CACNA2D3: variants seen among roughly 807,000 people sequenced by gnomAD.
The protein encoded by CACNA2D3 is calcium voltage-gated channel auxiliary subunit alpha2delta 3.
CACNA2D3 carries 60 observed loss-of-function variants against 160.6 expected under a neutral mutation model. That is an observed-to-expected ratio of 0.37 (90% CI 0.30 to 0.46). The LOEUF (loss-of-function observed/expected upper bound fraction) is 0.46. Among genes scored for constraint, CACNA2D3 ranks in the 20% least tolerant of loss-of-function variants. The pLI, the probability that CACNA2D3 is intolerant of heterozygous loss-of-function variation, is 1.00. For missense variants in CACNA2D3, 1,205 were observed against 1,365.0 expected (o/e 0.88, Z 1.85); for synonymous variants, 558 against 492.9 (o/e 1.13, Z -1.75).
At chr3:55,038,340 T>C (rs1703875741) in intron 35 of CACNA2D3, among the ~76,000 whole-genome samples, 1 of 152,164 alleles carries the variant, frequency 6.6e-6, no homozygotes, top group South Asian at 2.1e-4. Context: ...CCAATGGGTT[T>C]TCTATGGAAT....
chr3:54,938,038 A>G (rs1477552648), intron 27 of CACNA2D3, among the ~76,000 whole-genome samples: 2 of 152,210 alleles, frequency 1.3e-5, no homozygotes, highest in Non-Finnish European at 2.9e-5. Flanking sequence ...TGATTTCACA[A>G]GCATTATGAA....
intron 13 of CACNA2D3, among the ~76,000 whole-genome samples, chr3:54,781,417 A>G (rs1286056813): frequency 6.6e-6 from 1 of 152,216 alleles, no homozygotes; most frequent in East Asian, 1.9e-4. Flanking sequence ...ATTAAGCTGG[A>G]TTGCCCTTCT....
intron 2 of CACNA2D3, among the ~76,000 whole-genome samples, chr3:54,141,099 G>A (rs1405404980): frequency 5.8e-5 from 7 of 121,126 alleles, no homozygotes; most frequent in Admixed American, 8.4e-5. Context: ...GCGCGCGCGC[G>A]TGTGTGCATG....
intron 2 of CACNA2D3, among the ~76,000 whole-genome samples, chr3:54,195,721 G>A (rs1009790525): frequency 1.1e-4 from 17 of 152,134 alleles, no homozygotes; most frequent in Admixed American, 2.6e-4. Context: ...GTGGTGCAGC[G>A]TTGGGTTTTC....
intron 4 of CACNA2D3, among the ~76,000 whole-genome samples, chr3:54,440,641 C>G (rs1700129301): frequency 6.6e-6 from 1 of 152,152 alleles, no homozygotes; most frequent in African/African-American, 2.4e-5. Flanking sequence ...CCCTGCTCCC[C>G]TCCGCCCACA....
intron 4 of CACNA2D3, among the ~76,000 whole-genome samples, chr3:54,483,690 A>G (rs193149406): frequency 5.8e-4 from 88 of 152,348 alleles, no homozygotes; most frequent in Non-Finnish European, 1.1e-3. Context: ...CAGTCTCACC[A>G]TCTTTCACCT....
At chr3:54,981,448 T>C (rs2107096389) in intron 29 of CACNA2D3, among the ~76,000 whole-genome samples, 1 of 152,036 alleles carries the variant, frequency 6.6e-6, no homozygotes, top group Non-Finnish European at 1.5e-5. Context: ...TTACAGAGAA[T>C]TTTTACCTAA....
At chr3:54,978,569 A>G (rs1702440699) in intron 29 of CACNA2D3, among the ~76,000 whole-genome samples, 1 of 152,380 alleles carries the variant, frequency 6.6e-6, no homozygotes, top group Admixed American at 6.5e-5. Context: ...ATTTCTACAC[A>G]AAGAGTACAA....
At chr3:54,321,752 G>A (rs948129055) in intron 3 of CACNA2D3, among the ~76,000 whole-genome samples, 1 of 152,148 alleles carries the variant, frequency 6.6e-6, no homozygotes, top group Admixed American at 6.5e-5. Context: ...GTGTCCTGGA[G>A]TGTGTTTCCT....
At chr3:54,358,409 C>T (rs188330437) in intron 3 of CACNA2D3, among the ~76,000 whole-genome samples, 3 of 152,288 alleles carry the variant, frequency 2.0e-5, no homozygotes, top group Middle Eastern at 3.4e-3. Flanking sequence ...CAAGGAGGTC[C>T]GGTTGTGACA....
intron 13 of CACNA2D3, among the ~76,000 whole-genome samples, chr3:54,782,245 A>G (rs1702550703): frequency 6.6e-6 from 1 of 152,234 alleles, no homozygotes; most frequent in Non-Finnish European, 1.5e-5. Context: ...TTGTATCAAA[A>G]CATCTACTCT....
chr3:54,879,144 A>G, intron 19 of CACNA2D3, 55 bp downstream of exon 19: 1 of 1,208,688 alleles, frequency 8.3e-7, no homozygotes. Flanking sequence ...CACTGTGAAA[A>G]ATTAGCTTTG....
In CACNA2D3 at chr3:55,049,931, C is replaced by A. The variant is rs543094536; in HGVS notation, c.2988-23514C>A. ...TCAGAGACTAGGATTGCAACCCCTG[C>A]CTTTTTTTGTTTTCCATTGGCTTGT... On this transcript the variant is annotated intron_variant, in intron 35 of 37. Transcript: ENST00000474759. 3.2e-3 allele frequency among the ~76,000 whole-genome samples: 477 copies of A among 150,736 alleles called. 7 individuals carry two copies. Among genetic ancestry groups the A allele is most frequent in the African/African-American group, 0.011 (458 of 40,754 alleles).
intron 3 of CACNA2D3, chr3:54,385,790 A>G: frequency 5.0e-6 from 2 of 401,008 alleles, no homozygotes; most frequent in Non-Finnish European, 9.6e-6. Flanking sequence ...ATATTATGTC[A>G]AGAAAAAGCA....
rs187269341 is a variant in CACNA2D3 at position 54,218,399 on chromosome 3, A to G, written c.204+94805A>G. On this transcript the variant is annotated intron_variant, in intron 2 of 37. Coordinates refer to ENST00000474759, the MANE Select transcript of CACNA2D3 (RefSeq NM_018398.3). The stretch of plus-strand genomic sequence containing the variant: ...GTCTAGTTTTCTCAGACAAGCCTGA[A>G]AAAAATATGATTTGTTTTAAAACAT... Among the ~76,000 whole-genome samples, 161 of 152,354 alleles carry G rather than the reference A, an allele frequency of 1.1e-3. 1 individual carries two copies. The highest frequency in any genetic ancestry group is 0.01 in the Admixed American group (160 of 15,312).
chr3:54,529,329 G>A (rs1701771931), intron 5 of CACNA2D3, among the ~76,000 whole-genome samples: 1 of 152,188 alleles, frequency 6.6e-6, no homozygotes. Flanking sequence ...AGGCAAGGGT[G>A]CCAGTCTTGG....
At chr3:54,246,732 C>A (rs78029863) in intron 2 of CACNA2D3, among the ~76,000 whole-genome samples, 7,025 of 148,674 alleles carry the variant, frequency 0.047, 577 homozygotes, top group African/African-American at 0.16. Flanking sequence ...CTCAAAAAAA[C>A]AAAAAAAAGA....
chr3:54,432,123 C>G (rs1333478006), intron 4 of CACNA2D3, among the ~76,000 whole-genome samples: 1 of 152,106 alleles, frequency 6.6e-6, no homozygotes, highest in Non-Finnish European at 1.5e-5. Flanking sequence ...AAAATCAAAA[C>G]TGCAGAATGC....
chr3:54,158,242 C>T (rs1293926278), intron 2 of CACNA2D3, among the ~76,000 whole-genome samples: 1 of 152,222 alleles, frequency 6.6e-6, no homozygotes, highest in African/African-American at 2.4e-5. Context: ...ACCCTGGGTG[C>T]AGCCAGATCC....
Sources: allele counts gnomAD v4.1 joint callset (sites outside exome capture counted in the v4.1 genomes callset), GRCh38; gene constraint gnomAD v4.1.1; transcripts MANE v1.5; gene names NCBI Gene and HGNC (gene_info 2026-07-23, HGNC 2026-07-21).